Variants in NUDT2 observed in about 807,000 individuals in gnomAD.
NUDT2 encodes nudix hydrolase 2.
A neutral mutation model predicts 14.2 loss-of-function variants in NUDT2; 12 were observed. The ratio of observed to expected loss-of-function variants is 0.84; its 90% CI spans 0.54 to 1.37. The LOEUF (loss-of-function observed/expected upper bound fraction) is 1.37. NUDT2 is among the 40% of genes most tolerant of loss of function. The pLI is 0.00. For synonymous variants in NUDT2, 67 were observed against 67.4 expected (o/e 0.99, Z 0.03); for missense variants, 167 against 176.7 (o/e 0.95, Z 0.31).
intron 1 of NUDT2, among the ~76,000 whole-genome samples, chr9:34,334,713 C>G (rs73494775): frequency 0.011 from 1,609 of 152,172 alleles, 25 homozygotes; most frequent in African/African-American, 0.036. Flanking sequence ...GTGCTGGGTC[C>G]CAAGAAAACA....
chr9:34,336,538 T>C (rs550783357), intron 2 of NUDT2, among the ~76,000 whole-genome samples, 197 bp downstream of exon 2: 4 of 152,282 alleles, frequency 2.6e-5, no homozygotes, highest in African/African-American at 9.6e-5. Flanking sequence ...ACCTAATTTT[T>C]TTTTCTTTTT....
At chr9:34,330,413 A>G (rs572822527) in intron 1 of NUDT2, among the ~76,000 whole-genome samples, 4 of 152,320 alleles carry the variant, frequency 2.6e-5, no homozygotes, top group African/African-American at 9.6e-5. Flanking sequence ...TCAAAAACAA[A>G]ACAAAACAAA....
At position 34,338,982 on chromosome 9, in the gene NUDT2, A is replaced by G; in HGVS notation, c.-16-42A>G. The G allele has an allele frequency of 4.5e-6, 7 of 1,560,448 alleles. No homozygotes were observed. In the Admixed American group the frequency reaches 5.1e-5, roughly 11 times the overall value. On this transcript the variant is annotated intron_variant, in intron 3 of 4. Transcript: ENST00000379158. ...GCTACCCCCCAGTATGGAGCTTCCT[A>G]TTTTGTGTAACTTCCCAATATTCTG...
rs56783603 is a variant in NUDT2 at position 34,343,035 on chromosome 9, GAAAA to G, written c.128-79_128-76del. On this transcript the variant is annotated intron_variant, in intron 4 of 4. Coordinates refer to ENST00000379158, the MANE Select transcript of NUDT2 (RefSeq NM_001161.5). ...TGAGTCCCTGTCTCAAAGCAAAACA[GAAAA>G]AAAAAAAAATCTTGTCTGGAAAATC... The G allele has an allele frequency of 5.4e-3, 5,945 of 1,097,414 alleles. 205 individuals carry two copies. The African/African-American group carries it at 0.082, about 15-fold the overall frequency. 68.0% of individuals were successfully genotyped at this position (1,097,414 alleles called of 1,614,324 possible).
At chr9:34,338,891 G>A in intron 3 of NUDT2, 44 bp downstream of exon 3, 1 of 695,658 alleles carries the variant, frequency 1.4e-6, no homozygotes, top group South Asian at 2.2e-5. Flanking sequence ...TCCTGGGCAT[G>A]CTGCCTTTTT....
chr9:34,339,834 C>G (rs1425024420), intron 4 of NUDT2, among the ~76,000 whole-genome samples: 1 of 151,942 alleles, frequency 6.6e-6, no homozygotes, highest in African/African-American at 2.4e-5. Flanking sequence ...CAGAGCCTGT[C>G]TCAAAAAAAA....
Position 34,343,408 on chromosome 9 carries a change from G to A in NUDT2, c.412G>A (p.Gly138Arg), listed in dbSNP as rs754041058. ...GGAGATGAAGGCAGCGCTCCAAGAAGGACACCAGTTTCTTTGCTCCATAGA... is the reference window on the plus strand; with the variant it reads ...GGAGATGAAGGCAGCGCTCCAAGAAAGACACCAGTTTCTTTGCTCCATAGA... ...FKEMKAALQE[G>R]HQFLCSIEA Residue 138 changes from glycine to arginine, a missense_variant, in exon 5 of 5, where the codon GGA (glycine) becomes AGA (arginine). Gly to Arg is a moderately radical substitution (Grantham distance 125). Coordinates refer to ENST00000379158, the MANE Select transcript of NUDT2 (RefSeq NM_001161.5). 1 of 1,607,428 alleles carries A rather than the reference G, an allele frequency of 6.2e-7. No homozygotes were observed. Among genetic ancestry groups the A allele is most frequent in the Non-Finnish European group, 8.5e-7 (1 of 1,175,712 alleles).
intron 1 of NUDT2, among the ~76,000 whole-genome samples, chr9:34,332,533 A>C (rs1351162476): frequency 1.3e-5 from 2 of 152,184 alleles, no homozygotes; most frequent in Non-Finnish European, 2.9e-5. Context: ...AAATTCCCCG[A>C]GTTAGCTTTC....
rs766642000 is a variant in NUDT2 at position 34,343,398 on chromosome 9, G to A, written c.402G>A (p.Ala134=). 2.5e-5 allele frequency: 40 copies of A among 1,610,068 alleles called. No homozygotes were observed. Among genetic ancestry groups the A allele is most frequent in the Non-Finnish European group, 3.1e-5 (37 of 1,177,300 alleles). ...CTCAGTTCAAGGAGATGAAGGCAGC[G>A]CTCCAAGAAGGACACCAGTTTCTTT... is the stretch of plus-strand genomic sequence containing the variant. The part of the protein sequence containing the change: ...QLAQFKEMKA[A]LQEGHQFLCS... The change falls in exon 5 of 5, where the codon GCG becomes GCA. Residue 134 remains alanine (A), a synonymous_variant. Transcript: ENST00000379158.
chr9:34,340,481 C>A (rs1184465457), intron 4 of NUDT2, among the ~76,000 whole-genome samples: 1 of 152,198 alleles, frequency 6.6e-6, no homozygotes, highest in African/African-American at 2.4e-5. Flanking sequence ...AGCTAGCTAC[C>A]TGTGCCTTGA....
intron 4 of NUDT2, among the ~76,000 whole-genome samples, chr9:34,339,380 A>G (rs1330207150): frequency 1.3e-5 from 2 of 152,128 alleles, no homozygotes; most frequent in East Asian, 3.9e-4. Context: ...TAGAAACAGC[A>G]CCTGGTGTTT....
Position 34,339,052 on chromosome 9 carries a change from G to T in NUDT2, c.13G>T (p.Ala5Ser). 1 of 1,613,730 alleles carries T rather than the reference G, an allele frequency of 6.2e-7. No individual in the cohort carries two copies. Residue 5 changes from alanine (A) to serine (S), a missense_variant, in exon 4 of 5, where the codon GCA (alanine) becomes TCA (serine). Coordinates refer to ENST00000379158, the MANE Select transcript of NUDT2 (RefSeq NM_001161.5). MALR[A>S]CGLIIFRRCL... ...TTAGGATAAGACCATGGCCTTGAGA[G>T]CATGTGGCTTGATCATCTTCCGAAG...
chr9:34,343,395 A>C lies in NUDT2; in HGVS notation c.399A>C (p.Ala133=). The change falls in exon 5 of 5, where the codon GCA becomes GCC. Residue 133 remains alanine (A), a synonymous_variant. Coordinates refer to ENST00000379158, the MANE Select transcript of NUDT2 (RefSeq NM_001161.5). ...CQLAQFKEMK[A]ALQEGHQFLC... ...TGGCTCAGTTCAAGGAGATGAAGGC[A>C]GCGCTCCAAGAAGGACACCAGTTTC... 6.2e-7 allele frequency: 1 copy of C among 1,611,542 alleles called. No homozygotes were observed. The highest frequency in any genetic ancestry group is 1.1e-5 in the South Asian group (1 of 90,970).
intron 1 of NUDT2, among the ~76,000 whole-genome samples, chr9:34,331,481 A>G (rs1837935648): frequency 6.6e-6 from 1 of 152,202 alleles, no homozygotes; most frequent in Non-Finnish European, 1.5e-5. Context: ...ATAGACAGCC[A>G]TGCTTTTCTG....
At chr9:34,329,676 C>T (rs1335548905) in intron 1 of NUDT2, 77 bp downstream of exon 1, 1 of 152,428 alleles carries the variant, frequency 6.6e-6, no homozygotes, top group Admixed American at 6.5e-5. Flanking sequence ...GAATCTGCCT[C>T]TGGCAAACCT....
chr9:34,339,609 G>A (rs1009124306), intron 4 of NUDT2, among the ~76,000 whole-genome samples: 3 of 152,124 alleles, frequency 2.0e-5, no homozygotes, highest in East Asian at 3.9e-4. Flanking sequence ...TTTGGAGGTC[G>A]AGGTGGGCAG....
chr9:34,336,479 C>G (rs1838091033), intron 2 of NUDT2, 138 bp downstream of exon 2: 1 of 152,156 alleles, frequency 6.6e-6, no homozygotes, highest in South Asian at 2.1e-4. Context: ...AGAACTGTCT[C>G]CTTTTCATGT....
intron 1 of NUDT2, among the ~76,000 whole-genome samples, chr9:34,333,675 A>C (rs570151977): frequency 7.2e-6 from 1 of 138,016 alleles, no homozygotes; most frequent in Non-Finnish European, 1.6e-5. Context: ...AAAAAAAAGG[A>C]CTGGGAATTT....
chr9:34,331,051 A>C (rs1417605611), intron 1 of NUDT2, among the ~76,000 whole-genome samples: 1 of 152,220 alleles, frequency 6.6e-6, no homozygotes, highest in East Asian at 1.9e-4. Context: ...TGAGTACCCA[A>C]TTTTGCCCAA....
Sources: allele counts gnomAD v4.1 joint callset (sites outside exome capture counted in the v4.1 genomes callset), GRCh38; gene constraint gnomAD v4.1.1; transcripts MANE v1.5; gene names NCBI Gene and HGNC (gene_info 2026-07-23, HGNC 2026-07-21).